The following PHYHD1 variants were observed in gnomAD, a reference collection of about 807,000 sequenced individuals.
PHYHD1 encodes the protein phytanoyl-CoA dioxygenase domain-containing protein 1.
PHYHD1 carries 42 observed loss-of-function variants against 43.6 expected under a neutral mutation model. The observed-to-expected ratio is 0.96, with a 90% CI of 0.75 to 1.25. The LOEUF (loss-of-function observed/expected upper bound fraction) is 1.25. Among genes scored for constraint, PHYHD1 ranks in the 50% most tolerant of loss-of-function variants. The pLI, the probability that PHYHD1 is intolerant of heterozygous loss-of-function variation, is 0.00. For synonymous variants in PHYHD1, 139 were observed against 143.6 expected, an observed-to-expected ratio of 0.97 and a Z score of 0.23; for missense variants, 342 against 370.8, an observed-to-expected ratio of 0.92 and a Z score of 0.64.
In PHYHD1 at chr9:128,933,150, C is replaced by CTT. The variant is rs751550740; in HGVS notation, c.193-611_193-610dup. Among the ~76,000 whole-genome samples, 416 of 104,202 alleles carry CTT rather than the reference C, an allele frequency of 4.0e-3. 1 individual carries two copies. The highest frequency in any genetic ancestry group is 6.0e-3 in the Non-Finnish European group (301 of 49,830). The allele number at this position is 104,202 out of a possible 152,430, so 68.4% of individuals were successfully genotyped here. Reference sequence around the variant, plus strand: ...ACAGGCATGAGCCACTGCACCCAGACTTTTTTTTTTTTTTTTTTTTTTGAG... The same window carrying CTT: ...ACAGGCATGAGCCACTGCACCCAGACTTTTTTTTTTTTTTTTTTTTTTTTGAG... On this transcript the variant is annotated intron_variant, in intron 4 of 12. Transcript: ENST00000372592.
In PHYHD1 at chr9:128,931,842, C is replaced by CT. The variant is rs542244532; in HGVS notation, c.193-1937dup. Among the ~76,000 whole-genome samples, 664 of 88,848 alleles carry CT rather than the reference C, an allele frequency of 7.5e-3. 9 individuals are homozygous for CT. The highest frequency in any genetic ancestry group is 0.053 in the East Asian group (210 of 3,938). The allele number at this position is 88,848 out of a possible 152,430, so 58.3% of individuals were successfully genotyped here. On this transcript the variant is annotated intron_variant, in intron 4 of 12. Coordinates refer to ENST00000372592, the MANE Select transcript of PHYHD1 (RefSeq NM_001100876.2). ...TCGCCCGGCCTTTCTTTCTTTCTTT[C>CT]TTTCTTTTTGAGATGGAGTTTTGCT...
Position 128,941,843 on chromosome 9 carries a change from T to A in PHYHD1, c.*130T>A. 3 of 1,286,660 alleles carry A rather than the reference T, an allele frequency of 2.3e-6. No individual in the cohort carries two copies. The highest frequency in any genetic ancestry group is 3.3e-6 in the Non-Finnish European group (3 of 911,184). The allele number at this position is 1,286,660 out of a possible 1,614,324, so 79.7% of individuals were successfully genotyped here. On this transcript the variant is annotated 3_prime_UTR_variant, in exon 13 of 13. Transcript: ENST00000372592. ...CCCCTCCTGGGCTTTCCTCCTGCCCTGTGGGCAGCAGCCTAGGCTGGGTCA... is the reference window on the plus strand; with the variant it reads ...CCCCTCCTGGGCTTTCCTCCTGCCCAGTGGGCAGCAGCCTAGGCTGGGTCA...
At chr9:128,932,407 G>A (rs954317132) in intron 4 of PHYHD1, among the ~76,000 whole-genome samples, 19 of 151,214 alleles carry the variant, frequency 1.3e-4, no homozygotes, top group Admixed American at 1.2e-3. Context: ...CGCTCTTGTT[G>A]CCCAGGGTGG....
In PHYHD1 at chr9:128,934,057, C is replaced by A; in HGVS notation, c.315C>A (p.His105Gln). Residue 105 changes from histidine to glutamine, a missense_variant and splice_region_variant, in exon 6 of 13, where the codon CAC (histidine) becomes CAA (glutamine). Coordinates refer to ENST00000372592, the MANE Select transcript of PHYHD1 (RefSeq NM_001100876.2). Reference protein sequence around the residue: ...PPEKSINKIGHALHAHDPVFK... With the variant: ...PPEKSINKIGQALHAHDPVFK... ...AGAAATCCATCAACAAAATTGGCCA[C>A]GGTGAGCAGGGGCTTGGGGGTACAG... The A allele has an allele frequency of 6.2e-7, 1 of 1,613,522 alleles. No homozygotes were observed. The highest frequency in any genetic ancestry group is 8.5e-7 in the Non-Finnish European group (1 of 1,179,688).
chr9:128,924,663 G>A (rs17432734), intron 3 of PHYHD1, among the ~76,000 whole-genome samples: 19 of 151,100 alleles, frequency 1.3e-4, no homozygotes, highest in Non-Finnish European at 2.2e-4. Flanking sequence ...GGCTGGGTGC[G>A]GTGGCTCATG....
intron 3 of PHYHD1, among the ~76,000 whole-genome samples, chr9:128,923,243 C>T (rs935786807): frequency 6.6e-6 from 1 of 152,118 alleles, no homozygotes; most frequent in African/African-American, 2.4e-5. Context: ...CGTGCCCGGT[C>T]CTATTTTTAT....
chr9:128,923,107 G>C (rs1408537689), intron 3 of PHYHD1, among the ~76,000 whole-genome samples: 2 of 152,092 alleles, frequency 1.3e-5, no homozygotes, highest in African/African-American at 4.8e-5. Context: ...ACCACACCTG[G>C]CTAATTTTGT....
In PHYHD1 at chr9:128,940,352, C is replaced by A. The variant is rs764360465; in HGVS notation, c.458-17C>A. ...AGGCAAAAGGATGAGCTCCTCACCC[C>A]CCGTGGGCCTGCTTAGTCTCCCCTC... On this transcript the variant is annotated splice_polypyrimidine_tract_variant and intron_variant, in intron 9 of 12. Transcript: ENST00000372592. 28 of 1,613,724 alleles carry A rather than the reference C, an allele frequency of 1.7e-5. No homozygotes were observed. Among genetic ancestry groups the A allele is most frequent in the Middle Eastern group, 1.6e-4 (1 of 6,074 alleles).
chr9:128,940,739 A>G (rs759056900), intron 11 of PHYHD1, 24 bp downstream of exon 11: 1 of 1,608,690 alleles, frequency 6.2e-7, no homozygotes, highest in Non-Finnish European at 8.5e-7. Context: ...GAGGGCAGAG[A>G]GGCAGGGGGC....
In PHYHD1 at chr9:128,941,752, G is replaced by A; in HGVS notation, c.*39G>A. 6.2e-7 allele frequency: 1 copy of A among 1,613,900 alleles called. No homozygotes were observed. Among genetic ancestry groups the A allele is most frequent in the East Asian group, 2.2e-5 (1 of 44,870 alleles). On this transcript the variant is annotated 3_prime_UTR_variant, in exon 13 of 13. Coordinates refer to ENST00000372592, the MANE Select transcript of PHYHD1 (RefSeq NM_001100876.2). ...GCAGGAGCCCTCGCCCCTCCCGGGTGAAGCTGTGGGCTGTAAACACCAGTG... is the reference window on the plus strand; with the variant it reads ...GCAGGAGCCCTCGCCCCTCCCGGGTAAAGCTGTGGGCTGTAAACACCAGTG...
intron 3 of PHYHD1, 139 bp downstream of exon 3, chr9:128,922,495 C>G: frequency 9.5e-7 from 1 of 1,050,408 alleles, no homozygotes; most frequent in Non-Finnish European, 1.4e-6. Context: ...GGGTTCCCAA[C>G]CGCAACCCCT....
chr9:128,933,726 G>A, intron 4 of PHYHD1, 56 bp from the exon 5 acceptor site: 2 of 1,568,722 alleles, frequency 1.3e-6, no homozygotes, highest in Non-Finnish European at 1.8e-6. Flanking sequence ...CTCTTTGCCA[G>A]GCCCAGCTCT....
Position 128,922,408 on chromosome 9 carries a change from C to G in PHYHD1, c.33+52C>G, listed in dbSNP as rs1014323461. The G allele has an allele frequency of 1.1e-5, 17 of 1,539,630 alleles. No homozygotes were observed. In the East Asian group the frequency reaches 1.2e-4, roughly 11 times the overall value. On this transcript the variant is annotated intron_variant, in intron 3 of 12. Transcript: ENST00000372592. ...AGGGTCATGGCGGGGGGGTCCCTGCCGGACCTTCAGTAGTCCCAGTGCCCA... is the reference window on the plus strand; with the variant it reads ...AGGGTCATGGCGGGGGGGTCCCTGCGGGACCTTCAGTAGTCCCAGTGCCCA...
At chr9:128,928,140 G>A (rs567396701) in intron 4 of PHYHD1, among the ~76,000 whole-genome samples, 7 of 152,286 alleles carry the variant, frequency 4.6e-5, no homozygotes, top group African/African-American at 1.7e-4. Flanking sequence ...TACAACAGCC[G>A]GAAGCCATCC....
At chr9:128,927,968 G>C (rs963679509) in intron 4 of PHYHD1, among the ~76,000 whole-genome samples, 3 of 152,220 alleles carry the variant, frequency 2.0e-5, no homozygotes, top group African/African-American at 7.2e-5. Context: ...ATAGGACCCA[G>C]TACAGTTTGC....
intron 4 of PHYHD1, among the ~76,000 whole-genome samples, chr9:128,931,587 C>A (rs1380586227): frequency 6.6e-6 from 1 of 151,902 alleles, no homozygotes; most frequent in Non-Finnish European, 1.5e-5. Context: ...TGCAGTGGCG[C>A]GATCTCGGCT....
intron 3 of PHYHD1, 40 bp from the exon 4 acceptor site, chr9:128,926,998 T>C (rs756295465): frequency 1.9e-6 from 3 of 1,613,892 alleles, no homozygotes; most frequent in East Asian, 4.5e-5. Flanking sequence ...ACAGGAGCAT[T>C]TGCAGACTGG....
Position 128,921,916 on chromosome 9 carries a change from C to G in PHYHD1, c.-159-14C>G. 4.9e-6 allele frequency: 1 copy of G among 205,100 alleles called. No individual in the cohort carries two copies. Among genetic ancestry groups the G allele is most frequent in the East Asian group, 1.3e-4 (1 of 7,442 alleles). 12.7% of individuals were successfully genotyped at this position (205,100 alleles called of 1,614,324 possible). On this transcript the variant is annotated splice_polypyrimidine_tract_variant and intron_variant, in intron 1 of 12. Transcript: ENST00000372592. ...CACATCCCCCAGACCAACCCTGCAT[C>G]CCATTCTATCCAGATTGAGGCCTAG...
intron 4 of PHYHD1, among the ~76,000 whole-genome samples, chr9:128,929,929 A>C (rs550918488): frequency 9.9e-5 from 15 of 151,486 alleles, no homozygotes; most frequent in Middle Eastern, 7.0e-3. Context: ...GGAGTTTGAG[A>C]CCAGCCTGGG....
Sources: gnomAD v4.1 joint callset for allele counts (sites outside exome capture counted in the v4.1 genomes callset) on GRCh38, gnomAD v4.1.1 for gene constraint, MANE v1.5 for transcripts, NCBI Gene and HGNC (gene_info 2026-07-23, HGNC 2026-07-21) for gene names.